Variants in IFT27 observed in about 807,000 individuals in gnomAD.
IFT27 encodes intraflagellar transport 27.
A neutral mutation model predicts 23.9 loss-of-function variants in IFT27; 19 were observed. That is an observed-to-expected ratio of 0.79 (90% CI 0.55 to 1.16). IFT27 has a LOEUF of 1.16. IFT27 is among the 50% of genes most tolerant of loss of function. The pLI is 0.00. For missense variants in IFT27, 206 were observed against 228.7 expected (o/e 0.90, Z 0.64); for synonymous variants, 91 against 89.1 (o/e 1.02, Z -0.12).
chr22:36,774,983 A>T lies in IFT27; in HGVS notation c.34+691T>A, dbSNP rs201915297. ...TTTTCTAAATGTGCAGACTGATACA[A>T]GGGGTACACTACAAATGTGCATGCC... On this transcript the variant is annotated intron_variant, in intron 1 of 6. Coordinates refer to ENST00000433985, the MANE Select transcript of IFT27 (RefSeq NM_001177701.3). Among the ~76,000 whole-genome samples the T allele has an allele frequency of 3.1e-4, 47 of 152,360 alleles. No individual in the cohort carries two copies. The East Asian group carries it at 7.7e-3, about 25-fold the overall frequency.
intron 6 of IFT27, chr22:36,758,683 G>A: frequency 8.9e-6 from 4 of 451,600 alleles, no homozygotes; most frequent in Non-Finnish European, 1.6e-5. Context: ...TACAAAGCCT[G>A]TGCTTTTAGT....
At chr22:36,763,897 C>T in intron 5 of IFT27, 22 bp downstream of exon 5, 1 of 1,512,776 alleles carries the variant, frequency 6.6e-7, no homozygotes, top group Non-Finnish European at 9.2e-7. Context: ...CGCTGGGAAA[C>T]ATGGGTGTCT....
chr22:36,765,436 G>A (rs1166762805), intron 4 of IFT27, among the ~76,000 whole-genome samples: 2 of 152,140 alleles, frequency 1.3e-5, no homozygotes, highest in South Asian at 2.1e-4. Flanking sequence ...GTCGTGAACC[G>A]ATGCATGAAG....
intron 6 of IFT27, chr22:36,762,337 T>A (rs1382357841): frequency 6.6e-6 from 1 of 152,288 alleles, no homozygotes; most frequent in East Asian, 1.9e-4. Flanking sequence ...GAAAATCACT[T>A]GCTTTTTGTA....
intron 6 of IFT27, chr22:36,759,304 C>G (rs992104918): frequency 6.6e-6 from 1 of 152,262 alleles, no homozygotes; most frequent in African/African-American, 2.4e-5. Context: ...CACTTTAAAT[C>G]AAGTTCAGAA....
chr22:36,770,271 G>C (rs1938359617), intron 1 of IFT27, among the ~76,000 whole-genome samples: 1 of 152,150 alleles, frequency 6.6e-6, no homozygotes, highest in Admixed American at 6.5e-5. Flanking sequence ...TTCTCTGAAG[G>C]ATGTGAGTCA....
At chr22:36,774,757 A>G (rs1362317380) in intron 1 of IFT27, among the ~76,000 whole-genome samples, 1 of 151,932 alleles carries the variant, frequency 6.6e-6, no homozygotes, top group African/African-American at 2.4e-5. Context: ...GGTTGCAGTG[A>G]GCCGAGATTG....
In IFT27 at chr22:36,775,981, C is replaced by A; in HGVS notation, c.-274G>T. The A allele has an allele frequency of 1.8e-6, 1 of 569,112 alleles. No homozygotes were observed. The highest frequency in any genetic ancestry group is 3.2e-6 in the Non-Finnish European group (1 of 317,292). The allele number at this position is 569,112 out of a possible 1,614,324, so 35.3% of individuals were successfully genotyped here. On this transcript the variant is annotated 5_prime_UTR_variant, in exon 1 of 7. Transcript: ENST00000433985. ...ACACGGCAGTCTGAAAAGGTGCAAG[C>A]GAGCGGACACGGCCTGTGCTCCCCG...
At position 36,765,518 on chromosome 22, in the gene IFT27, G is replaced by A. The variant is rs747716113; in HGVS notation, c.234+620C>T. 3.5e-4 allele frequency among the ~76,000 whole-genome samples: 53 copies of A among 152,138 alleles called. 1 individual carries two copies. Among genetic ancestry groups the A allele is most frequent in the Non-Finnish European group, 1.9e-4 (13 of 68,016 alleles). On this transcript the variant is annotated intron_variant, in intron 4 of 6. Transcript: ENST00000433985. ...AACAAAAAAAAAGGGGCAGAAAACT[G>A]TTCCCATTAAAATGTGGCTGTTCTT...
rs763513626 is a variant in IFT27 at position 36,766,177 on chromosome 22, A to T, written c.195T>A (p.Ser65=). 1 of 1,614,214 alleles carries T rather than the reference A, an allele frequency of 6.2e-7. No individual in the cohort carries two copies. The highest frequency in any genetic ancestry group is 1.1e-5 in the South Asian group (1 of 91,088). Reference sequence around the variant, plus strand: ...TTTCCGAAAACAGCTCCTTGCCAGCAGAGTCAAAAATGAAGAGTTCCTACA... The same window carrying T: ...TTTCCGAAAACAGCTCCTTGCCAGCTGAGTCAAAAATGAAGAGTTCCTACA... ...GDSVELFIFD[S]AGKELFSEML... The change falls in exon 4 of 7, where the codon TCT becomes TCA. Residue 65 remains serine (S), a synonymous_variant. Transcript: ENST00000433985.
At position 36,766,395 on chromosome 22, in the gene IFT27, C is replaced by G. The variant is rs145605560; in HGVS notation, c.175-198G>C. 1.5e-3 allele frequency: 855 copies of G among 578,322 alleles called. 9 individuals carry two copies. Among genetic ancestry groups the G allele is most frequent in the African/African-American group, 0.014 (752 of 53,430 alleles). The allele number at this position is 578,322 out of a possible 1,614,324, so 35.8% of individuals were successfully genotyped here. Reference sequence around the variant, plus strand: ...AGCGAACTCCAGAGTCTTAGAGAGGCAGTACGACGGGTTCTCGCACCAACC... The same window carrying G: ...AGCGAACTCCAGAGTCTTAGAGAGGGAGTACGACGGGTTCTCGCACCAACC... On this transcript the variant is annotated intron_variant, in intron 3 of 6. Coordinates refer to ENST00000433985, the MANE Select transcript of IFT27 (RefSeq NM_001177701.3).
chr22:36,773,381 G>A (rs1161722438), intron 1 of IFT27, among the ~76,000 whole-genome samples: 1 of 151,774 alleles, frequency 6.6e-6, no homozygotes, highest in Non-Finnish European at 1.5e-5. Flanking sequence ...TCCGGGCACA[G>A]TGACTCACGC....
At chr22:36,764,113 C>A in intron 4 of IFT27, 77 bp from the exon 5 acceptor site, 1 of 1,034,754 alleles carries the variant, frequency 9.7e-7, no homozygotes. Context: ...ATTTGGCCTT[C>A]CAAGGGAAAG....
intron 3 of IFT27, 160 bp downstream of exon 3, chr22:36,767,146 G>A: frequency 1.8e-6 from 1 of 559,922 alleles, no homozygotes. Flanking sequence ...CACCTCCTCA[G>A]TCCCTCCCTT....
chr22:36,767,882 GAA>G lies in IFT27; in HGVS notation c.35-22_35-21del. The G allele has an allele frequency of 6.3e-7, 1 of 1,599,914 alleles. No individual in the cohort carries two copies. Among genetic ancestry groups the G allele is most frequent in the Non-Finnish European group, 8.6e-7 (1 of 1,167,078 alleles). ...GGTCTCCTGTGAGATCAGAAAAGAA[GAA>G]AAAGAACGCCTTAGTTCTCATCTGA... On this transcript the variant is annotated intron_variant, in intron 1 of 6. Transcript: ENST00000433985.
At chr22:36,771,607 C>G (rs1304991550) in intron 1 of IFT27, among the ~76,000 whole-genome samples, 1 of 152,136 alleles carries the variant, frequency 6.6e-6, no homozygotes, top group African/African-American at 2.4e-5. Context: ...ATCCCAGCTC[C>G]CTGGGTCTCT....
chr22:36,768,030 G>A, intron 1 of IFT27, 168 bp from the exon 2 acceptor site: 1 of 715,258 alleles, frequency 1.4e-6, no homozygotes, highest in South Asian at 1.5e-5. Flanking sequence ...ACAGGTCCAT[G>A]AGACTGATCT....
At chr22:36,762,421 G>C (rs1285654879) in intron 6 of IFT27, 1 of 152,558 alleles carries the variant, frequency 6.6e-6, no homozygotes, top group East Asian at 1.9e-4. Context: ...GCAAGGTGAG[G>C]ATGGGTGGTA....
intron 1 of IFT27, chr22:36,772,756 G>C: frequency 1.0e-6 from 1 of 985,278 alleles, no homozygotes; most frequent in Non-Finnish European, 1.2e-6. Context: ...CTGAACGTCA[G>C]GTCCTTCAAT....
Sources: gnomAD v4.1 joint callset for allele counts (sites outside exome capture counted in the v4.1 genomes callset) on GRCh38, gnomAD v4.1.1 for gene constraint, MANE v1.5 for transcripts, NCBI Gene and HGNC (gene_info 2026-07-23, HGNC 2026-07-21) for gene names.